Variants in KCNIP4 observed in about 807,000 individuals in gnomAD.
KCNIP4 encodes potassium voltage-gated channel interacting protein 4, also known as Kv channel-interacting protein 4.
A neutral mutation model predicts 34.0 loss-of-function variants in KCNIP4; 12 were observed. The observed-to-expected ratio is 0.35, with a 90% CI of 0.23 to 0.57. The LOEUF (loss-of-function observed/expected upper bound fraction) is 0.57, where lower values mean the gene tolerates loss of function less well. Among genes scored for constraint, KCNIP4 ranks in the 20% least tolerant of loss-of-function variants. The probability of loss-of-function intolerance (pLI) is 0.83; values close to 1 mark genes in which losing one functional copy is unlikely to be tolerated. For missense variants in KCNIP4, 238 were observed against 311.7 expected (o/e 0.76, Z 1.78); for synonymous variants, 124 against 102.2 (o/e 1.21, Z -1.29).
At chr4:21,470,006 C>T (rs375956386) in intron 1 of KCNIP4, among the ~76,000 whole-genome samples, 3 of 151,948 alleles carry the variant, frequency 2.0e-5, no homozygotes, top group East Asian at 1.9e-4. Flanking sequence ...CAATTGTGGC[C>T]GAAATATAAT....
chr4:21,254,391 A>G (rs1760920262), intron 1 of KCNIP4, among the ~76,000 whole-genome samples: 1 of 152,146 alleles, frequency 6.6e-6, no homozygotes, highest in African/African-American at 2.4e-5. Flanking sequence ...TATGAGCATC[A>G]CCTGGAGTAT....
At chr4:21,342,746 C>T (rs1168685208) in intron 1 of KCNIP4, among the ~76,000 whole-genome samples, 1 of 152,110 alleles carries the variant, frequency 6.6e-6, no homozygotes, top group Non-Finnish European at 1.5e-5. Flanking sequence ...GCTATATCCC[C>T]TACAGGAAAG....
At chr4:21,462,298 A>G (rs1461880038) in intron 1 of KCNIP4, among the ~76,000 whole-genome samples, 1 of 152,162 alleles carries the variant, frequency 6.6e-6, no homozygotes, top group African/African-American at 2.4e-5. Flanking sequence ...ACAGTTCCTC[A>G]TTGCTGGGGA....
intron 3 of KCNIP4, among the ~76,000 whole-genome samples, chr4:20,793,888 C>T (rs1008362796): frequency 1.1e-4 from 16 of 151,984 alleles, no homozygotes; most frequent in Non-Finnish European, 1.2e-4. Flanking sequence ...ACCCAAATCT[C>T]ATCTTGAACT....
chr4:21,460,104 C>T (rs941827270), intron 1 of KCNIP4, among the ~76,000 whole-genome samples: 3 of 56,826 alleles, frequency 5.3e-5, no homozygotes, highest in South Asian at 5.6e-4. Context: ...CTGCCCCCCG[C>T]CCCCCATCTC....
At chr4:20,800,931 C>A (rs1263838738) in intron 3 of KCNIP4, among the ~76,000 whole-genome samples, 1 of 152,158 alleles carries the variant, frequency 6.6e-6, no homozygotes, top group Non-Finnish European at 1.5e-5. Flanking sequence ...ATTCACTTAG[C>A]TCCAAGGTCC....
intron 1 of KCNIP4, among the ~76,000 whole-genome samples, chr4:21,382,012 C>G (rs1483250087): frequency 1.3e-5 from 2 of 152,134 alleles, no homozygotes; most frequent in African/African-American, 2.4e-5. Flanking sequence ...GAAAATGGAA[C>G]AGCAAATGTT....
intron 1 of KCNIP4, among the ~76,000 whole-genome samples, chr4:21,477,499 G>A (rs1369784218): frequency 6.6e-6 from 1 of 152,116 alleles, no homozygotes; most frequent in Non-Finnish European, 1.5e-5. Context: ...ATTAATCTGT[G>A]TATTATGGGG....
At chr4:21,828,849 A>G (rs1722818766) in intron 1 of KCNIP4, among the ~76,000 whole-genome samples, 1 of 152,026 alleles carries the variant, frequency 6.6e-6, no homozygotes, top group Admixed American at 6.6e-5. Flanking sequence ...ATCTAAAATA[A>G]TAACAAATAT....
intron 1 of KCNIP4, among the ~76,000 whole-genome samples, chr4:20,922,563 A>ATCTATCTG (rs1560572671): frequency 7.6e-6 from 1 of 130,932 alleles, no homozygotes; most frequent in Non-Finnish European, 1.7e-5. Context: ...CTATCTATCT[A>ATCTATCTG]TCTATCTATC....
intron 1 of KCNIP4, among the ~76,000 whole-genome samples, chr4:21,494,376 A>T (rs1056248631): frequency 6.6e-6 from 1 of 151,320 alleles, no homozygotes; most frequent in African/African-American, 2.4e-5. Context: ...ATCTAATGGG[A>T]AAAAAAAAGA....
At chr4:20,894,865 A>G (rs2149542139) in intron 1 of KCNIP4, among the ~76,000 whole-genome samples, 1 of 152,340 alleles carries the variant, frequency 6.6e-6, no homozygotes, top group African/African-American at 2.4e-5. Flanking sequence ...CAGACAAATA[A>G]TGCCTAAGAT....
chr4:21,592,079 C>T (rs1742265656), intron 1 of KCNIP4, among the ~76,000 whole-genome samples: 1 of 151,960 alleles, frequency 6.6e-6, no homozygotes, highest in Non-Finnish European at 1.5e-5. Flanking sequence ...AGAATTCAGG[C>T]TGAATTCTGG....
chr4:20,881,857 A>C (rs1577308023), intron 2 of KCNIP4, among the ~76,000 whole-genome samples: 1 of 152,206 alleles, frequency 6.6e-6, no homozygotes. Flanking sequence ...TCATCTAATC[A>C]GTTGAGGCTT....
intron 1 of KCNIP4, among the ~76,000 whole-genome samples, chr4:21,116,815 T>C (rs1290902026): frequency 6.6e-6 from 1 of 152,200 alleles, no homozygotes; most frequent in Non-Finnish European, 1.5e-5. Flanking sequence ...TTTTACTTTC[T>C]TTCTTTTTCT....
At chr4:21,122,457 GT>G (rs10553440) in intron 1 of KCNIP4, among the ~76,000 whole-genome samples, 5,307 of 126,356 alleles carry the variant, frequency 0.042, 339 homozygotes, top group African/African-American at 0.092. Flanking sequence ...TGCAGATCAA[GT>G]TTTTTTTTTT....
intron 1 of KCNIP4, among the ~76,000 whole-genome samples, chr4:21,178,148 T>A (rs1213957387): frequency 2.6e-5 from 4 of 152,124 alleles, no homozygotes; most frequent in Non-Finnish European, 5.9e-5. Context: ...ACAGTTTAAT[T>A]ATCTGCCTTA....
chr4:21,920,833 T>G (rs1306892094), intron 1 of KCNIP4, among the ~76,000 whole-genome samples: 1 of 152,140 alleles, frequency 6.6e-6, no homozygotes, highest in Non-Finnish European at 1.5e-5. Flanking sequence ...TAATGGACAC[T>G]TAAAATTGAA....
intron 3 of KCNIP4, among the ~76,000 whole-genome samples, chr4:20,771,436 A>G (rs1019681574): frequency 2.0e-5 from 3 of 152,182 alleles, no homozygotes; most frequent in Admixed American, 6.5e-5. Flanking sequence ...GCATTCTAAC[A>G]TAAGCTACAA....
Sources: gnomAD v4.1 joint callset for allele counts (sites outside exome capture counted in the v4.1 genomes callset) on GRCh38, gnomAD v4.1.1 for gene constraint, MANE v1.5 for transcripts, NCBI Gene and HGNC (gene_info 2026-07-23, HGNC 2026-07-21) for gene names.